MAP2K6: variants seen among roughly 807,000 people sequenced by gnomAD.
MAP2K6 encodes the protein mitogen-activated protein kinase kinase 6.
MAP2K6 carries 16 observed loss-of-function variants against 53.7 expected under a neutral mutation model. The ratio of observed to expected loss-of-function variants is 0.30; its 90% CI spans 0.20 to 0.45. The LOEUF is 0.45. Among genes scored for constraint, MAP2K6 ranks in the 20% least tolerant of loss-of-function variants. MAP2K6 has a pLI of 1.00. For synonymous variants in MAP2K6, 132 were observed against 143.1 expected (o/e 0.92, Z 0.55); for missense variants, 204 against 411.9 (o/e 0.50, Z 4.37).
At chr17:69,433,010 C>G (rs1009921355) in intron 1 of MAP2K6, 1 of 152,084 alleles carries the variant, frequency 6.6e-6, no homozygotes, top group African/African-American at 2.4e-5. Flanking sequence ...GCTCTTGAAC[C>G]AAGAGAACCA....
chr17:69,513,544 G>A lies in MAP2K6; in HGVS notation c.84-3311G>A, dbSNP rs16974110. 9.4e-3 allele frequency among the ~76,000 whole-genome samples: 1,429 copies of A among 152,184 alleles called. 30 individuals are homozygous for A. The highest frequency in any genetic ancestry group is 0.032 in the African/African-American group (1,317 of 41,510). On this transcript the variant is annotated intron_variant, in intron 2 of 11. Coordinates refer to ENST00000590474, the MANE Select transcript of MAP2K6 (RefSeq NM_002758.4). ...CAGGGGTAATGCAAAGTTAGTATAG[G>A]GCCAAGGTCAGCAAACTTTTTTGTA...
chr17:69,426,630 A>G (rs529382666), intron 1 of MAP2K6, among the ~76,000 whole-genome samples: 1 of 152,318 alleles, frequency 6.6e-6, no homozygotes, highest in African/African-American at 2.4e-5. Context: ...GGAAAGTCCT[A>G]TGAATAAGAG....
chr17:69,541,767 T>TAA lies in MAP2K6; in HGVS notation c.*15_*16dup. 6.2e-7 allele frequency: 1 copy of TAA among 1,606,224 alleles called. No individual in the cohort carries two copies. Among genetic ancestry groups the TAA allele is most frequent in the Non-Finnish European group, 8.5e-7 (1 of 1,173,784 alleles). Reference sequence around the variant, plus strand: ...CTTGGAGACTAAAAAGCAGTGGACTTAATCGGTTGACCCTACTGTGGATTG... The same window carrying TAA: ...CTTGGAGACTAAAAAGCAGTGGACTTAAAATCGGTTGACCCTACTGTGGATTG... On this transcript the variant is annotated 3_prime_UTR_variant, in exon 12 of 12. Transcript: ENST00000590474.
intron 2 of MAP2K6, among the ~76,000 whole-genome samples, chr17:69,510,963 A>C (rs1347263286): frequency 6.6e-6 from 1 of 151,344 alleles, no homozygotes; most frequent in Non-Finnish European, 1.5e-5. Flanking sequence ...TATTTTTGCT[A>C]TTTCCTTTGG....
intron 1 of MAP2K6, among the ~76,000 whole-genome samples, chr17:69,444,005 T>C (rs927008936): frequency 2.0e-5 from 3 of 152,180 alleles, no homozygotes; most frequent in Non-Finnish European, 4.4e-5. Flanking sequence ...CAAGAGATGA[T>C]GAAGGGAATG....
At chr17:69,462,438 T>C (rs1022917529) in intron 1 of MAP2K6, among the ~76,000 whole-genome samples, 1 of 152,070 alleles carries the variant, frequency 6.6e-6, no homozygotes, top group Admixed American at 6.5e-5. Flanking sequence ...TCTAGAGCCA[T>C]GACAAAGATG....
rs959419243 is a variant in MAP2K6, at chr17:69,505,714, A to C, written c.17-66A>C. ...GCAGGTCAGCTCTTTCCTTTGCCGCAGTCTCTTTCTCTGCTATCTTGCTAT... is the reference window on the plus strand; with the variant it reads ...GCAGGTCAGCTCTTTCCTTTGCCGCCGTCTCTTTCTCTGCTATCTTGCTAT... On this transcript the variant is annotated intron_variant, in intron 1 of 11. Transcript: ENST00000590474. 3.1e-6 allele frequency: 4 copies of C among 1,279,550 alleles called. No homozygotes were observed. In the African/African-American group the frequency reaches 5.9e-5, roughly 19 times the overall value. 79.3% of individuals were successfully genotyped at this position (1,279,550 alleles called of 1,614,324 possible).
At chr17:69,430,928 GA>G (rs745800903) in intron 1 of MAP2K6, among the ~76,000 whole-genome samples, 1 of 152,186 alleles carries the variant, frequency 6.6e-6, no homozygotes, top group Non-Finnish European at 1.5e-5. Flanking sequence ...GGGGGATGTA[GA>G]GCGACTCACT....
chr17:69,496,802 G>A (rs150552370), intron 1 of MAP2K6, among the ~76,000 whole-genome samples: 11 of 151,858 alleles, frequency 7.2e-5, no homozygotes, highest in African/African-American at 7.3e-5. Flanking sequence ...TCTGCCATGC[G>A]TCCCGTCCCT....
At chr17:69,438,126 C>T (rs998170688) in intron 1 of MAP2K6, among the ~76,000 whole-genome samples, 10 of 152,192 alleles carry the variant, frequency 6.6e-5, no homozygotes, top group Non-Finnish European at 1.3e-4. Context: ...GAAACCTTTC[C>T]GAGGGGGACA....
intron 10 of MAP2K6, among the ~76,000 whole-genome samples, chr17:69,531,246 G>A (rs1485015101): frequency 2.6e-5 from 4 of 151,984 alleles, no homozygotes; most frequent in Non-Finnish European, 5.9e-5. Flanking sequence ...TCTGTCTTTG[G>A]TATGCAGAAA....
intron 11 of MAP2K6, among the ~76,000 whole-genome samples, chr17:69,538,600 T>G (rs928890349): frequency 1.3e-5 from 2 of 152,164 alleles, no homozygotes; most frequent in African/African-American, 2.4e-5. Flanking sequence ...GGTGAGGAAG[T>G]ATGAAGGAAA....
rs550563622 is a variant in MAP2K6 at position 69,479,527 on chromosome 17, T to TA, written c.17-26243dup. On this transcript the variant is annotated intron_variant, in intron 1 of 11. Transcript: ENST00000590474. ...TGTGCATGTACAAATATTCCAAAAT[T>TA]AAAAAAAAAATTCAAAACACTTCTG... is the stretch of plus-strand genomic sequence containing the variant. Among the ~76,000 whole-genome samples, 1,414 of 149,960 alleles carry TA rather than the reference T, an allele frequency of 9.4e-3. 23 individuals are homozygous for TA. The highest frequency in any genetic ancestry group is 0.032 in the African/African-American group (1,331 of 40,980).
chr17:69,505,150 C>CA (rs1248993835), intron 1 of MAP2K6, among the ~76,000 whole-genome samples: 3 of 149,020 alleles, frequency 2.0e-5, no homozygotes, highest in Admixed American at 1.3e-4. Flanking sequence ...AAAACAAAAA[C>CA]AAAAAACAAG....
At chr17:69,440,147 A>C (rs1054762629) in intron 1 of MAP2K6, among the ~76,000 whole-genome samples, 1 of 152,056 alleles carries the variant, frequency 6.6e-6, no homozygotes, top group South Asian at 2.1e-4. Context: ...TCCTGGGTTC[A>C]AGTGATTCTA....
intron 1 of MAP2K6, among the ~76,000 whole-genome samples, chr17:69,482,860 G>A (rs139909587): frequency 7.0e-4 from 107 of 152,130 alleles, no homozygotes; most frequent in African/African-American, 2.5e-3. Flanking sequence ...TTTGCCAAGC[G>A]TTCCTTCAAA....
chr17:69,420,148 G>A (rs1238839253), intron 1 of MAP2K6, among the ~76,000 whole-genome samples: 1 of 152,052 alleles, frequency 6.6e-6, no homozygotes, highest in African/African-American at 2.4e-5. Context: ...AGACCTATAT[G>A]AAAATAATAA....
At chr17:69,532,775 G>A (rs567098090) in intron 10 of MAP2K6, among the ~76,000 whole-genome samples, 20 of 152,254 alleles carry the variant, frequency 1.3e-4, no homozygotes, top group Admixed American at 9.8e-4. Context: ...AGTGTTTGGG[G>A]TAGATTGTGA....
chr17:69,531,456 G>C (rs1425854413), intron 10 of MAP2K6, among the ~76,000 whole-genome samples: 1 of 152,102 alleles, frequency 6.6e-6, no homozygotes, highest in Non-Finnish European at 1.5e-5. Context: ...GAATTGACTT[G>C]GTAGCCACTC....
Sources: gnomAD v4.1 joint callset for allele counts (sites outside exome capture counted in the v4.1 genomes callset) on GRCh38, gnomAD v4.1.1 for gene constraint, MANE v1.5 for transcripts, NCBI Gene and HGNC (gene_info 2026-07-23, HGNC 2026-07-21) for gene names.